ENOX1: variants seen among roughly 807,000 people sequenced by gnomAD.
ENOX1 encodes candidate growth-related and time keeping constitutive hydroquinone (NADH) oxidase.
Under a neutral mutation model 82.5 loss-of-function variants are expected in ENOX1, and 42 were observed. The ratio of observed to expected loss-of-function variants is 0.51; its 90% CI spans 0.40 to 0.66. ENOX1 has a LOEUF of 0.66. ENOX1 is among the 30% of genes least tolerant of loss of function. The pLI is 0.00. For synonymous variants in ENOX1, 271 were observed against 282.2 expected (o/e 0.96, Z 0.40); for missense variants, 608 against 811.6 (o/e 0.75, Z 3.05).
chr13:43,570,989 TAC>T (rs1382884733), intron 2 of ENOX1, among the ~76,000 whole-genome samples: 2 of 152,314 alleles, frequency 1.3e-5, no homozygotes, highest in South Asian at 2.1e-4. Context: ...CACCAGAAGA[TAC>T]AGTCTCTGGC....
rs181060811 is a variant in ENOX1, at chr13:43,671,524, C to T, written c.-284-3980G>A. Among the ~76,000 whole-genome samples the T allele has an allele frequency of 3.3e-5, 5 of 152,234 alleles. No individual in the cohort carries two copies. In the East Asian group the frequency reaches 9.7e-4, roughly 29 times the overall value. ...AATTAGTCAATCCCTCTATTTGTTC[C>T]CATGATACTCTCTACACATACCCCA... On this transcript the variant is annotated intron_variant, in intron 1 of 16. Coordinates refer to ENST00000690772, the MANE Select transcript of ENOX1 (RefSeq NM_001347969.2).
At chr13:43,597,425 A>G (rs1303945061) in intron 2 of ENOX1, among the ~76,000 whole-genome samples, 1 of 152,172 alleles carries the variant, frequency 6.6e-6, no homozygotes, top group East Asian at 1.9e-4. Flanking sequence ...CTAAACCAAA[A>G]GCCTTGAAGT....
chr13:43,257,525 A>G (rs2043819069), intron 14 of ENOX1, among the ~76,000 whole-genome samples: 1 of 152,240 alleles, frequency 6.6e-6, no homozygotes, highest in Admixed American at 6.5e-5. Context: ...GATATGCTAT[A>G]AATTTGATAA....
At chr13:43,635,029 C>T (rs1200975961) in intron 2 of ENOX1, among the ~76,000 whole-genome samples, 10 of 152,010 alleles carry the variant, frequency 6.6e-5, no homozygotes, top group Non-Finnish European at 1.3e-4. Flanking sequence ...AACAGGGGAA[C>T]GTTTCTATGG....
intron 11 of ENOX1, among the ~76,000 whole-genome samples, chr13:43,303,691 T>G (rs539498781): frequency 1.3e-5 from 2 of 152,282 alleles, no homozygotes; most frequent in East Asian, 3.9e-4. Context: ...TTTTTTTGGT[T>G]AGGCCATCTT....
At chr13:43,486,034 G>A (rs1593440005) in intron 2 of ENOX1, among the ~76,000 whole-genome samples, 1 of 152,054 alleles carries the variant, frequency 6.6e-6, no homozygotes, top group African/African-American at 2.4e-5. Flanking sequence ...CACTGTGAAA[G>A]CCCGTCTCTA....
At chr13:43,228,094 G>GTTT (rs2042107151) in intron 15 of ENOX1, among the ~76,000 whole-genome samples, 1 of 91,760 alleles carries the variant, frequency 1.1e-5, no homozygotes, top group African/African-American at 4.4e-5. Context: ...CCTCTTTGCA[G>GTTT]CTTTTTTTTT....
intron 3 of ENOX1, among the ~76,000 whole-genome samples, chr13:43,478,944 C>T (rs199938236): frequency 1.3e-5 from 2 of 151,032 alleles, no homozygotes; most frequent in South Asian, 2.1e-4. Context: ...AGAGCCATTT[C>T]GGGGGAGAAA....
At chr13:43,673,399 C>G (rs1366371315) in intron 1 of ENOX1, among the ~76,000 whole-genome samples, 1 of 152,198 alleles carries the variant, frequency 6.6e-6, no homozygotes, top group African/African-American at 2.4e-5. Flanking sequence ...AAACAAAGCT[C>G]TTCCTGACAG....
At chr13:43,724,805 C>T (rs1263290579) in intron 1 of ENOX1, among the ~76,000 whole-genome samples, 1 of 152,164 alleles carries the variant, frequency 6.6e-6, no homozygotes, top group African/African-American at 2.4e-5. Context: ...CCTGTCTTTC[C>T]CTTTCTCCAG....
At chr13:43,739,638 A>G (rs907829079) in intron 1 of ENOX1, among the ~76,000 whole-genome samples, 1 of 151,764 alleles carries the variant, frequency 6.6e-6, no homozygotes, top group African/African-American at 2.4e-5. Flanking sequence ...TCTAAGACCA[A>G]GAGAGAAAAA....
chr13:43,663,305 T>C (rs971640025), intron 2 of ENOX1, among the ~76,000 whole-genome samples: 1 of 152,310 alleles, frequency 6.6e-6, no homozygotes, highest in East Asian at 1.9e-4. Context: ...TGCCTTCCTA[T>C]AGAGTCTCAT....
intron 1 of ENOX1, among the ~76,000 whole-genome samples, chr13:43,738,809 C>T (rs1223103592): frequency 3.3e-5 from 5 of 152,182 alleles, no homozygotes; most frequent in African/African-American, 1.2e-4. Flanking sequence ...GTCCAGCACT[C>T]ATCCCAATTA....
intron 5 of ENOX1, among the ~76,000 whole-genome samples, chr13:43,369,613 T>C (rs1021553161): frequency 2.6e-5 from 4 of 152,230 alleles, no homozygotes; most frequent in Admixed American, 1.3e-4. Context: ...TCATGCAACT[T>C]TGAAGTTGAC....
At chr13:43,547,076 G>A (rs965573177) in intron 2 of ENOX1, 10 of 152,246 alleles carry the variant, frequency 6.6e-5, no homozygotes, top group South Asian at 4.1e-4. Flanking sequence ...TTGTTAAGCC[G>A]GCCCAGCCAA....
At chr13:43,461,007 G>A (rs766667106) in intron 3 of ENOX1, among the ~76,000 whole-genome samples, 5 of 152,068 alleles carry the variant, frequency 3.3e-5, no homozygotes, top group African/African-American at 4.8e-5. Context: ...ATGGATATAT[G>A]AATTTAATGA....
At chr13:43,758,534 T>G (rs1217258264) in intron 1 of ENOX1, among the ~76,000 whole-genome samples, 1 of 152,232 alleles carries the variant, frequency 6.6e-6, no homozygotes, top group Non-Finnish European at 1.5e-5. Flanking sequence ...CCCTGTTGGA[T>G]GAAAGTGTCC....
chr13:43,641,192 G>C (rs1344223538), intron 2 of ENOX1, among the ~76,000 whole-genome samples: 1 of 152,128 alleles, frequency 6.6e-6, no homozygotes, highest in African/African-American at 2.4e-5. Context: ...ACTTGGAACA[G>C]CCCTCAGCAA....
chr13:43,545,216 A>G (rs534143902), intron 2 of ENOX1: 2 of 152,192 alleles, frequency 1.3e-5, no homozygotes. Flanking sequence ...CTCTAAATAA[A>G]ACAGGCCAGT....
Sources: allele counts gnomAD v4.1 joint callset (sites outside exome capture counted in the v4.1 genomes callset), GRCh38; gene constraint gnomAD v4.1.1; transcripts MANE v1.5; gene names NCBI Gene and HGNC (gene_info 2026-07-23, HGNC 2026-07-21).